The following CENPE variants were observed in gnomAD, a reference collection of about 807,000 sequenced individuals.
The protein encoded by CENPE is centromere-associated protein E.
Under a neutral mutation model 336.1 loss-of-function variants are expected in CENPE, and 145 were observed. The observed-to-expected ratio is 0.43, with a 90% CI of 0.38 to 0.50. The LOEUF is 0.50. Ranked by LOEUF, CENPE falls within the 20% of genes least tolerant of loss-of-function variation. The pLI, the probability that CENPE is intolerant of heterozygous loss-of-function variation, is 0.00. For synonymous variants in CENPE, 1,013 were observed against 984.8 expected (o/e 1.03, Z -0.54); for missense variants, 2,719 against 3,023.3 (o/e 0.90, Z 2.36).
chr4:103,131,413 C>T (rs1560608303), intron 42 of CENPE, among the ~76,000 whole-genome samples: 1 of 152,154 alleles, frequency 6.6e-6, no homozygotes, highest in South Asian at 2.1e-4. Flanking sequence ...ACTACACTTA[C>T]TACACTTACT....
chr4:103,132,955 T>A (rs1300737460), intron 41 of CENPE, 59 bp from the exon 42 acceptor site: 4 of 258,166 alleles, frequency 1.5e-5, no homozygotes, highest in Non-Finnish European at 2.7e-5. Context: ...ATCCAAATAT[T>A]TTATTTATAT....
At chr4:103,106,661 T>C (rs781338537) in intron 48 of CENPE, among the ~76,000 whole-genome samples, 9 of 152,168 alleles carry the variant, frequency 5.9e-5, no homozygotes, top group Non-Finnish European at 1.3e-4. Flanking sequence ...GCTAAACAAA[T>C]AGTATTTTAG....
Position 103,120,221 on chromosome 4 carries a change from G to T in CENPE, c.7256C>A (p.Ala2419Glu), listed in dbSNP as rs1335913673. Reference sequence around the variant, plus strand: ...TTCATGAACTTTGGCTTGAAGTTTTGCTATTATGTCATTAGTCACCTCAAG... The same window carrying T: ...TTCATGAACTTTGGCTTGAAGTTTTTCTATTATGTCATTAGTCACCTCAAG... ...KELEVTNDIIAKLQAKVHESN... is the reference protein window; with the variant it reads ...KELEVTNDIIEKLQAKVHESN... Residue 2419 changes from alanine (A) to glutamate (E), a missense_variant, in exon 44 of 49, where the codon GCA becomes GAA. Physicochemically the swap from Ala to Glu is moderately radical, Grantham distance 107. Coordinates refer to ENST00000265148, the MANE Select transcript of CENPE (RefSeq NM_001813.3). The T allele has an allele frequency of 9.3e-6, 15 of 1,612,038 alleles. No individual in the cohort carries two copies. Among genetic ancestry groups the T allele is most frequent in the Non-Finnish European group, 1.2e-5 (14 of 1,179,174 alleles).
rs142090581 is a variant in CENPE at position 103,121,929 on chromosome 4, A to T, written c.7143+942T>A. Among the ~76,000 whole-genome samples the T allele has an allele frequency of 2.4e-3, 369 of 152,132 alleles. 2 individuals carry two copies. Among genetic ancestry groups the T allele is most frequent in the African/African-American group, 8.7e-3 (362 of 41,500 alleles). On this transcript the variant is annotated intron_variant, in intron 43 of 48. Transcript: ENST00000265148. ...CACCTGTACTAAATTCTCATACTTA[A>T]TTGGGTATATTTCTGAACCCTCTAT...
chr4:103,144,575 G>T lies in CENPE; in HGVS notation c.4901C>A (p.Thr1634Lys), dbSNP rs200961317. The T allele has an allele frequency of 6.2e-6, 10 of 1,611,684 alleles. No individual in the cohort carries two copies. In the African/African-American group the frequency reaches 1.2e-4, roughly 19 times the overall value. Reference protein sequence around the residue: ...QEKEYQFLKMTAVNETQEKMC... With the variant: ...QEKEYQFLKMKAVNETQEKMC... ...TTTCTCCTGAGTCTCATTGACAGCT[G>T]TCATCTTAAGAAACTGATATTCTTT... The change falls in exon 33 of 49, where the codon ACA becomes AAA. Residue 1634 changes from threonine to lysine, a missense_variant. By Grantham distance (78) the Thr-to-Lys change is moderately conservative. Transcript: ENST00000265148.
At chr4:103,133,649 T>C (rs1429566665) in intron 41 of CENPE, 46 bp downstream of exon 41, 6 of 1,299,508 alleles carry the variant, frequency 4.6e-6, no homozygotes, top group East Asian at 4.7e-5. Context: ...TTCTACTTGA[T>C]AAAAAGGCTT....
chr4:103,129,413 C>T (rs1751393994), intron 42 of CENPE, among the ~76,000 whole-genome samples: 1 of 152,050 alleles, frequency 6.6e-6, no homozygotes, highest in Admixed American at 6.6e-5. Flanking sequence ...TGACATTATA[C>T]AAGAAAACTA....
rs111905191 is a variant in CENPE, at chr4:103,162,019, A to G, written c.1843-562T>C. ...TATGAAATCAATGATATGTCCTTGG[A>G]AAAAAATTAATAAATTAATACATGA... On this transcript the variant is annotated intron_variant, in intron 18 of 48. Coordinates refer to ENST00000265148, the MANE Select transcript of CENPE (RefSeq NM_001813.3). Among the ~76,000 whole-genome samples, 248 of 152,234 alleles carry G rather than the reference A, an allele frequency of 1.6e-3. 2 individuals carry two copies. The highest frequency in any genetic ancestry group is 5.6e-3 in the African/African-American group (232 of 41,536).
chr4:103,121,205 A>G (rs1439833358), intron 43 of CENPE, among the ~76,000 whole-genome samples: 1 of 152,196 alleles, frequency 6.6e-6, no homozygotes, highest in Admixed American at 6.5e-5. Flanking sequence ...AATATACATG[A>G]ATATATAGTT....
At position 103,123,079 on chromosome 4, in the gene CENPE, T is replaced by G. The variant is rs758835317; in HGVS notation, c.6935A>C (p.Asn2312Thr). ...TCTTTCCTCAAACTCTGTTGATTCA[T>G]TCATTATGGCCTATTGAACAGTAAA... ...FFNNRIIAIM[N>T]ESTEFEERSA... is the part of the protein sequence containing the mutation. The change falls in exon 43 of 49, where the codon AAT (asparagine) becomes ACT (threonine). Residue 2312 changes from asparagine (N) to threonine (T), a missense_variant. Asn to Thr is a moderately conservative substitution (Grantham distance 65). Around this residue, in one of 5 missense-constraint regions of CENPE, gnomAD observed 2,437 missense variants for 2,513.3 expected, o/e 0.97. Transcript: ENST00000265148. 1 of 1,613,074 alleles carries G rather than the reference T, an allele frequency of 6.2e-7. No individual in the cohort carries two copies. The highest frequency in any genetic ancestry group is 8.5e-7 in the Non-Finnish European group (1 of 1,179,090).
At chr4:103,190,194 T>C (rs2126045040) in intron 8 of CENPE, among the ~76,000 whole-genome samples, 1 of 152,184 alleles carries the variant, frequency 6.6e-6, no homozygotes, top group Middle Eastern at 3.4e-3. Context: ...GAAGAATCAA[T>C]ATCGTGAAAA....
At chr4:103,163,347 A>G (rs1047035832) in intron 17 of CENPE, 91 bp from the exon 18 acceptor site, 1 of 1,309,988 alleles carries the variant, frequency 7.6e-7, no homozygotes, top group East Asian at 2.5e-5. Flanking sequence ...GTTTAAATTC[A>G]TAGTAAAATT....
At chr4:103,163,860 C>T (rs1259789639) in intron 16 of CENPE, among the ~76,000 whole-genome samples, 1 of 151,942 alleles carries the variant, frequency 6.6e-6, no homozygotes, top group African/African-American at 2.4e-5. Flanking sequence ...TTAGTATGCA[C>T]TACTTGGAGG....
intron 45 of CENPE, 75 bp from the exon 46 acceptor site, chr4:103,114,627 A>ATGTGTTAGAAAATCCTTC: frequency 1.1e-6 from 1 of 889,036 alleles, no homozygotes; most frequent in Non-Finnish European, 1.8e-6. Flanking sequence ...AACTGCTGTG[A>ATGTGTTAGAAAATCCTTC]AGGATTTTCT....
chr4:103,163,469 G>T lies in CENPE; in HGVS notation c.1722+10C>A. ...TGCTTATCAATAGAAATACCAACAT[G>T]AATGCTCACCTCAAGATCTTGATTA... is the stretch of plus-strand genomic sequence containing the variant. On this transcript the variant is annotated intron_variant, in intron 17 of 48. Coordinates refer to ENST00000265148, the MANE Select transcript of CENPE (RefSeq NM_001813.3). 6.4e-7 allele frequency: 1 copy of T among 1,572,830 alleles called. No individual in the cohort carries two copies. The highest frequency in any genetic ancestry group is 1.1e-5 in the South Asian group (1 of 88,016).
intron 43 of CENPE, among the ~76,000 whole-genome samples, chr4:103,122,142 T>G (rs1750686743): frequency 6.6e-6 from 1 of 151,812 alleles, no homozygotes; most frequent in East Asian, 1.9e-4. Context: ...AGCAGCTGAC[T>G]GAGGTCTGTA....
At chr4:103,128,120 T>C (rs769933689) in intron 42 of CENPE, among the ~76,000 whole-genome samples, 1 of 151,994 alleles carries the variant, frequency 6.6e-6, no homozygotes, top group Non-Finnish European at 1.5e-5. Context: ...GATGAAGTAG[T>C]GATATTAATT....
rs200760559 is a variant in CENPE, at chr4:103,112,515, CACATAT to C, written c.7541-1510_7541-1505del. 9.8e-3 allele frequency among the ~76,000 whole-genome samples: 1,391 copies of C among 142,476 alleles called. 30 individuals are homozygous for C. The highest frequency in any genetic ancestry group is 0.034 in the African/African-American group (1,331 of 39,342). The allele number at this position is 142,476 out of a possible 152,430, so 93.5% of individuals were successfully genotyped here. ...ATACTTATGTATACATGTATATATA[CACATAT>C]ACATATACATATATACACTTATAAG... On this transcript the variant is annotated intron_variant, in intron 46 of 48. Coordinates refer to ENST00000265148, the MANE Select transcript of CENPE (RefSeq NM_001813.3).
intron 9 of CENPE, among the ~76,000 whole-genome samples, chr4:103,184,288 A>C (rs1361919029): frequency 6.6e-6 from 1 of 152,150 alleles, no homozygotes; most frequent in Non-Finnish European, 1.5e-5. Flanking sequence ...CAAACTTCTA[A>C]TCTTCCTTGG....
Sources: allele counts gnomAD v4.1 joint callset (sites outside exome capture counted in the v4.1 genomes callset), GRCh38; gene constraint gnomAD v4.1.1; regional missense constraint gnomAD v4.1.1; transcripts MANE v1.5; gene names NCBI Gene and HGNC (gene_info 2026-07-23, HGNC 2026-07-21).